CSMD3: variants seen among roughly 807,000 people sequenced by gnomAD.
CSMD3 encodes the protein CUB and Sushi multiple domains 3.
CSMD3 carries 177 observed loss-of-function variants against 435.2 expected under a neutral mutation model. That is an observed-to-expected ratio of 0.41 (90% CI 0.36 to 0.46). CSMD3 has a LOEUF of 0.46. Ranked by LOEUF, CSMD3 falls within the 20% of genes least tolerant of loss-of-function variation. The pLI is 0.34. For missense variants in CSMD3, 4,265 were observed against 4,504.6 expected, an observed-to-expected ratio of 0.95 and a Z score of 1.52; for synonymous variants, 1,656 against 1,520.5, an observed-to-expected ratio of 1.09 and a Z score of -2.07.
At chr8:112,844,973 T>A (rs2080277473) in intron 11 of CSMD3, among the ~76,000 whole-genome samples, 1 of 152,006 alleles carries the variant, frequency 6.6e-6, no homozygotes. Flanking sequence ...TCCGGTATAA[T>A]CATAATACTG....
chr8:112,492,665 C>A lies in CSMD3; in HGVS notation c.5102G>T (p.Cys1701Phe). The A allele has an allele frequency of 6.2e-7, 1 of 1,613,824 alleles. No homozygotes were observed. Among genetic ancestry groups the A allele is most frequent in the Non-Finnish European group, 8.5e-7 (1 of 1,179,794 alleles). ...ATTCATTATATTGCCTGGATCAAAGCAGGACTCTCGCAGTTTTGCTGTAAA... is the reference window on the plus strand; with the variant it reads ...ATTCATTATATTGCCTGGATCAAAGAAGGACTCTCGCAGTTTTGCTGTAAA... The part of the protein sequence containing the change: ...LEYKAKLRES[C>F]FDPGNIMNGT... The change falls in exon 31 of 71, where the codon TGC becomes TTC. Residue 1701 changes from cysteine to phenylalanine, a missense_variant. Cys to Phe is a radical substitution (Grantham distance 205). This residue lies in a region of CSMD3 where 3,255 missense variants were observed against 3,380.2 expected (regional missense o/e 0.96). Transcript: ENST00000297405.
At chr8:112,482,988 T>C (rs746774966) in intron 31 of CSMD3, among the ~76,000 whole-genome samples, 1 of 152,214 alleles carries the variant, frequency 6.6e-6, no homozygotes, top group Non-Finnish European at 1.5e-5. Context: ...TTCTGCATAC[T>C]ATTTGTATCT....
intron 2 of CSMD3, among the ~76,000 whole-genome samples, chr8:113,284,822 C>T (rs1386986411): frequency 1.3e-5 from 2 of 152,016 alleles, no homozygotes; most frequent in East Asian, 1.9e-4. Context: ...ATATTCCCTC[C>T]GCGTTGATGC....
At chr8:112,309,705 C>A (rs1445666317) in intron 50 of CSMD3, among the ~76,000 whole-genome samples, 3 of 152,030 alleles carry the variant, frequency 2.0e-5, no homozygotes, top group Admixed American at 1.3e-4. Flanking sequence ...TGTTTCCTTG[C>A]ATCAATACAA....
intron 13 of CSMD3, among the ~76,000 whole-genome samples, chr8:112,786,833 A>C (rs977378019): frequency 2.0e-5 from 3 of 152,178 alleles, no homozygotes; most frequent in East Asian, 3.9e-4. Context: ...GGTTTGCTGC[A>C]TGCATAAACC....
intron 18 of CSMD3, among the ~76,000 whole-genome samples, chr8:112,655,855 A>G (rs1054583996): frequency 1.3e-5 from 2 of 151,992 alleles, no homozygotes; most frequent in East Asian, 3.9e-4. Context: ...ACTGTCTATT[A>G]TCTGTTTTTC....
chr8:112,223,305 G>C lies in CSMD3; in HGVS notation c.*1466C>G, dbSNP rs780843706. ...TGTTGTAGAGATAGAGCCAAGCAGC[G>C]CTCCCAGGTGCAAGGGTTTCTCTTA... On this transcript the variant is annotated 3_prime_UTR_variant, in exon 71 of 71. Transcript: ENST00000297405. 5.6e-6 allele frequency: 2 copies of C among 357,246 alleles called. No individual in the cohort carries two copies. Among genetic ancestry groups the C allele is most frequent in the Admixed American group, 9.4e-5 (2 of 21,246 alleles). 22.1% of individuals were successfully genotyped at this position (357,246 alleles called of 1,614,324 possible). A position where few individuals can be genotyped will look rare whatever the true frequency, so the allele number is the denominator to read the frequency against.
At chr8:112,675,306 T>C (rs1297273474) in intron 16 of CSMD3, among the ~76,000 whole-genome samples, 2 of 152,142 alleles carry the variant, frequency 1.3e-5, no homozygotes, top group African/African-American at 4.8e-5. Context: ...AGTTAAATCA[T>C]CAGCTTTGAG....
At chr8:113,254,951 A>G (rs2093367136) in intron 3 of CSMD3, among the ~76,000 whole-genome samples, 1 of 152,194 alleles carries the variant, frequency 6.6e-6, no homozygotes, top group African/African-American at 2.4e-5. Context: ...GGGTGAAAGT[A>G]TTATACTAAT....
chr8:112,806,563 A>G (rs1213182957), intron 12 of CSMD3, among the ~76,000 whole-genome samples: 1 of 152,180 alleles, frequency 6.6e-6, no homozygotes, highest in Non-Finnish European at 1.5e-5. Flanking sequence ...TGATCCCAGT[A>G]TTGTGCTTAG....
rs79610061 is a variant in CSMD3, at chr8:112,735,331, C to T, written c.1973-45281G>A. ...AAAATTAGGTATAAGTTTGTTACTT[C>T]ATACCTCAAAACCACCCTGTAAATA... On this transcript the variant is annotated intron_variant, in intron 13 of 70. Coordinates refer to ENST00000297405, the MANE Select transcript of CSMD3 (RefSeq NM_198123.2). Among the ~76,000 whole-genome samples the T allele has an allele frequency of 3.7e-3, 564 of 152,060 alleles. 2 individuals are homozygous for T. The highest frequency in any genetic ancestry group is 0.013 in the African/African-American group (543 of 41,530).
intron 10 of CSMD3, among the ~76,000 whole-genome samples, chr8:112,891,354 C>A (rs1204839460): frequency 6.6e-6 from 1 of 151,572 alleles, no homozygotes; most frequent in South Asian, 2.1e-4. Context: ...AACGAGCTGC[C>A]CAGCAATCAA....
intron 3 of CSMD3, among the ~76,000 whole-genome samples, chr8:113,222,357 AG>A (rs1485668152): frequency 6.6e-6 from 1 of 151,194 alleles, no homozygotes; most frequent in African/African-American, 2.4e-5. Flanking sequence ...ATAAAAAAGA[AG>A]AGTCTTTGTA....
At position 112,503,958 on chromosome 8, in the gene CSMD3, A is replaced by G; in HGVS notation, c.4915T>C (p.Tyr1639His). 2 of 1,605,562 alleles carry G rather than the reference A, an allele frequency of 1.2e-6. No homozygotes were observed. The highest frequency in any genetic ancestry group is 2.2e-5 in the South Asian group (2 of 90,744). The change falls in exon 30 of 71, where the codon TAT becomes CAT. Residue 1639 changes from tyrosine (Y) to histidine (H), a missense_variant. By Grantham distance (83) the Tyr-to-His change is moderately conservative. This residue lies in a region of CSMD3 where 3,255 missense variants were observed against 3,380.2 expected (regional missense o/e 0.96). Coordinates refer to ENST00000297405, the MANE Select transcript of CSMD3 (RefSeq NM_198123.2). Reference protein sequence around the residue: ...AFISFSIEPNYDFLYIYDGPD... With the variant: ...AFISFSIEPNHDFLYIYDGPD... ...CCATCATAGATATAGAGGAAGTCATAGTTTGGTTCTATGCTAAAACTGAAA... is the reference window on the plus strand; with the variant it reads ...CCATCATAGATATAGAGGAAGTCATGGTTTGGTTCTATGCTAAAACTGAAA...
Position 112,314,056 on chromosome 8 carries a change from T to C in CSMD3, c.7550-4A>G. ...ACTGGACTTTGAATATTTGGTCCTT[T>C]GGGAAGAAAATAAAACAATTTAGAT... On this transcript the variant is annotated splice_polypyrimidine_tract_variant and splice_region_variant and intron_variant, in intron 48 of 70. Transcript: ENST00000297405. 1 of 1,603,778 alleles carries C rather than the reference T, an allele frequency of 6.2e-7. No individual in the cohort carries two copies. Among genetic ancestry groups the C allele is most frequent in the Non-Finnish European group, 8.5e-7 (1 of 1,171,458 alleles).
At chr8:112,522,717 ACT>A (rs1824426034) in intron 27 of CSMD3, among the ~76,000 whole-genome samples, 3 of 151,828 alleles carry the variant, frequency 2.0e-5, no homozygotes, top group Non-Finnish European at 4.4e-5. Context: ...TAATCGCTTT[ACT>A]CTGTTATGAA....
At chr8:113,139,288 G>A (rs931636455) in intron 4 of CSMD3, among the ~76,000 whole-genome samples, 6 of 150,870 alleles carry the variant, frequency 4.0e-5, no homozygotes, top group African/African-American at 1.5e-4. Context: ...AAATATAAGA[G>A]ATTTTTCTTC....
At chr8:113,223,918 AAAAG>A (rs1307183793) in intron 3 of CSMD3, among the ~76,000 whole-genome samples, 2 of 151,160 alleles carry the variant, frequency 1.3e-5, no homozygotes, top group Admixed American at 1.3e-4. Flanking sequence ...TCCAAGGAAA[AAAAG>A]AAACTTAAGA....
intron 5 of CSMD3, among the ~76,000 whole-genome samples, chr8:113,043,630 T>C (rs2087715605): frequency 6.6e-6 from 1 of 152,184 alleles, no homozygotes; most frequent in South Asian, 2.1e-4. Flanking sequence ...CTAAATATGT[T>C]TCTTTGTAAC....
Sources: gnomAD v4.1 joint callset for allele counts (sites outside exome capture counted in the v4.1 genomes callset) on GRCh38, gnomAD v4.1.1 for gene constraint, gnomAD v4.1.1 regional missense constraint, MANE v1.5 for transcripts, NCBI Gene and HGNC (gene_info 2026-07-23, HGNC 2026-07-21) for gene names.